The following GART variants were observed in gnomAD, a reference collection of about 807,000 sequenced individuals.
GART encodes phosphoribosylglycinamide formyltransferase, phosphoribosylglycinamide synthetase, phosphoribosylaminoimidazole synthetase, also known as trifunctional purine biosynthetic protein adenosine-3.
A neutral mutation model predicts 107.2 loss-of-function variants in GART; 43 were observed. That is an observed-to-expected ratio of 0.40 (90% confidence interval 0.31 to 0.52). GART has a LOEUF of 0.52. Ranked by LOEUF, GART falls within the 20% of genes least tolerant of loss-of-function variation. GART has a pLI of 0.52. For synonymous variants in GART, 434 were observed against 427.0 expected, an observed-to-expected ratio of 1.02 and a Z score of -0.20; for missense variants, 1,107 against 1,206.5, an observed-to-expected ratio of 0.92 and a Z score of 1.22.
rs747212208 is a variant in GART at position 33,509,873 on chromosome 21, TTA to T, written c.2360_2361del (p.Ile787LysfsTer17). The T allele has an allele frequency of 1.2e-6, 2 of 1,613,634 alleles. No homozygotes were observed. The highest frequency in any genetic ancestry group is 2.7e-5 in the African/African-American group (2 of 74,892). ...GAGCCATTCTTCAACACTGACCCAT[TTA>T]TTTGCATGCTTTCAATCAGATTCTT... ...KVKNLIESMQINGSVLKNGSL... is the reference protein window; with the variant it reads ...KVKNLIESMQXNGSVLKNGSL... On this transcript the variant is annotated frameshift_variant, in exon 18 of 22. Coordinates refer to ENST00000381815, the MANE Select transcript of GART (RefSeq NM_000819.5). LOFTEE classifies it high-confidence loss of function.
chr21:33,506,540 T>TA (rs145304784), intron 18 of GART, among the ~76,000 whole-genome samples: 2,598 of 152,340 alleles, frequency 0.017, 37 homozygotes, highest in Non-Finnish European at 0.026. Context: ...GTGAGGCTTC[T>TA]AAATTCCCTT....
At chr21:33,537,834 T>A (rs2085332693) in intron 2 of GART, among the ~76,000 whole-genome samples, 1 of 152,158 alleles carries the variant, frequency 6.6e-6, no homozygotes, top group Admixed American at 6.5e-5. Context: ...AAAGGCATGG[T>A]AAGGAATTTG....
chr21:33,515,899 G>A (rs140699076), intron 16 of GART, among the ~76,000 whole-genome samples: 1 of 152,044 alleles, frequency 6.6e-6, no homozygotes, highest in African/African-American at 2.4e-5. Context: ...TTTTTCTAGT[G>A]CTTATTCTAG....
chr21:33,537,371 C>T (rs900949099), intron 2 of GART, among the ~76,000 whole-genome samples: 1 of 152,216 alleles, frequency 6.6e-6, no homozygotes, highest in Non-Finnish European at 1.5e-5. Flanking sequence ...GGTCCATGCT[C>T]TTCTTTCCAT....
intron 16 of GART, among the ~76,000 whole-genome samples, chr21:33,514,082 TGTG>T (rs1029132234): frequency 7.2e-5 from 11 of 152,172 alleles, no homozygotes; most frequent in African/African-American, 2.6e-4. Context: ...GCCTGGGCAA[TGTG>T]GTGAAACCCC....
At chr21:33,515,782 A>G (rs1406062431) in intron 16 of GART, among the ~76,000 whole-genome samples, 2 of 152,078 alleles carry the variant, frequency 1.3e-5, no homozygotes, top group African/African-American at 4.8e-5. Context: ...TGTTTCTTCA[A>G]ACAGAAATCT....
intron 20 of GART, 152 bp from the exon 21 acceptor site, chr21:33,504,679 T>TA: frequency 1.6e-6 from 1 of 638,178 alleles, no homozygotes; most frequent in Non-Finnish European, 2.7e-6. Flanking sequence ...GAGGTAAAAG[T>TA]AAGTTCTCAT....
At chr21:33,508,016 T>C (rs911714866) in intron 18 of GART, among the ~76,000 whole-genome samples, 4 of 152,240 alleles carry the variant, frequency 2.6e-5, no homozygotes, top group Middle Eastern at 3.4e-3. Flanking sequence ...CATGTACCCA[T>C]ACAAATTAAA....
At chr21:33,536,921 A>C (rs1300788601) in intron 2 of GART, among the ~76,000 whole-genome samples, 2 of 152,242 alleles carry the variant, frequency 1.3e-5, no homozygotes, top group African/African-American at 4.8e-5. Flanking sequence ...GACTGTGGGT[A>C]ACTGAAACTG....
chr21:33,535,928 T>C (rs2085296431), intron 2 of GART, among the ~76,000 whole-genome samples: 1 of 151,968 alleles, frequency 6.6e-6, no homozygotes, highest in Non-Finnish European at 1.5e-5. Flanking sequence ...CTCAGGAGGC[T>C]GAGACAGGAG....
chr21:33,531,250 C>T, intron 6 of GART: 1 of 465,586 alleles, frequency 2.1e-6, no homozygotes, highest in Non-Finnish European at 3.8e-6. Context: ...TGAATTAATC[C>T]AGAACCTCAA....
chr21:33,516,241 C>G (rs1226765294), intron 16 of GART, among the ~76,000 whole-genome samples: 1 of 109,218 alleles, frequency 9.2e-6, no homozygotes, highest in African/African-American at 3.5e-5. Context: ...GAGTGAGACT[C>G]TGTCTAAAAA....
intron 11 of GART, among the ~76,000 whole-genome samples, chr21:33,523,492 A>C (rs1355684332): frequency 6.6e-6 from 1 of 152,244 alleles, no homozygotes; most frequent in Non-Finnish European, 1.5e-5. Context: ...TTAAATGAAA[A>C]ATAAATTTTT....
At chr21:33,523,469 A>C (rs1366224989) in intron 11 of GART, among the ~76,000 whole-genome samples, 2 of 152,186 alleles carry the variant, frequency 1.3e-5, no homozygotes, top group African/African-American at 4.8e-5. Flanking sequence ...ATTTCAATGG[A>C]ATCTAGTCAT....
At chr21:33,518,427 G>A (rs572943041) in intron 14 of GART, among the ~76,000 whole-genome samples, 3 of 151,962 alleles carry the variant, frequency 2.0e-5, no homozygotes, top group African/African-American at 4.8e-5. Context: ...GCAGCGAGCC[G>A]AGATTGTGCC....
In GART at chr21:33,510,762, AT is replaced by A. The variant is rs368739279; in HGVS notation, c.2314+489del. On this transcript the variant is annotated intron_variant, in intron 17 of 21. Transcript: ENST00000381815. ...ACAGGTAAAGTCAACAAGGTCTGACATTTTTTTTTTCTATTTTTTATTTTTG... is the reference window on the plus strand; with the variant it reads ...ACAGGTAAAGTCAACAAGGTCTGACATTTTTTTTTCTATTTTTTATTTTTG... Among the ~76,000 whole-genome samples, 549 of 150,328 alleles carry A rather than the reference AT, an allele frequency of 3.7e-3. 7 individuals are homozygous for A. Among genetic ancestry groups the A allele is most frequent in the Middle Eastern group, 3.5e-3 (1 of 288 alleles).
chr21:33,525,908 C>T (rs1601205613), intron 10 of GART, among the ~76,000 whole-genome samples: 1 of 142,056 alleles, frequency 7.0e-6, no homozygotes, highest in East Asian at 2.0e-4. Context: ...CTCGCTCTGT[C>T]GCCCAGGCTG....
At chr21:33,524,090 A>G (rs921793872) in intron 11 of GART, 1 of 985,304 alleles carries the variant, frequency 1.0e-6, no homozygotes, top group Non-Finnish European at 1.2e-6. Context: ...CAAAAAATAC[A>G]TTTTAGTAAT....
intron 7 of GART, 180 bp downstream of exon 7, chr21:33,530,579 G>T: frequency 1.9e-6 from 1 of 516,474 alleles, no homozygotes; most frequent in Non-Finnish European, 2.9e-6. Flanking sequence ...CTTCAAAAAA[G>T]GCTTTTAGGA....
Sources: gnomAD v4.1 joint callset for allele counts (sites outside exome capture counted in the v4.1 genomes callset) on GRCh38, gnomAD v4.1.1 for gene constraint, MANE v1.5 for transcripts, NCBI Gene and HGNC (gene_info 2026-07-23, HGNC 2026-07-21) for gene names.